ADGRL2: variants seen among roughly 807,000 people sequenced by gnomAD.
The protein encoded by ADGRL2 is calcium-independent alpha-latrotoxin receptor 2.
In ADGRL2, 44 loss-of-function variants were observed where a neutral mutation model predicts 157.4. The observed-to-expected ratio is 0.28, with a 90% CI of 0.22 to 0.36. ADGRL2 has a LOEUF of 0.36. ADGRL2 is among the 10% of genes least tolerant of loss of function. ADGRL2 has a pLI of 1.00. For synonymous variants in ADGRL2, 585 were observed against 624.7 expected, an observed-to-expected ratio of 0.94 and a Z score of 0.95; for missense variants, 1,510 against 1,768.9, an observed-to-expected ratio of 0.85 and a Z score of 2.63.
chr1:81,851,734 TTGTGTG>T (rs5775643), intron 2 of ADGRL2, among the ~76,000 whole-genome samples: 5 of 146,418 alleles, frequency 3.4e-5, no homozygotes, highest in African/African-American at 5.0e-5. Context: ...CCACTTAAAT[TTGTGTG>T]TGTGTGTGTG....
intron 2 of ADGRL2, among the ~76,000 whole-genome samples, chr1:81,773,156 T>C (rs2086444615): frequency 6.6e-6 from 1 of 152,146 alleles, no homozygotes; most frequent in African/African-American, 2.4e-5. Context: ...AGGGAGAATA[T>C]ATCAATTGAT....
In ADGRL2 at chr1:81,564,391, G is replaced by A. The variant is rs184433937; in HGVS notation, c.-247-16485G>A. ...GTTGTAGTTATCGCAAGGTTAGACC[G>A]GAGGAGGATCCACTCCCAAGCTTAT... On this transcript the variant is annotated intron_variant, in intron 2 of 24. Coordinates refer to the ADGRL2 transcript ENST00000370721. Among the ~76,000 whole-genome samples, 7 of 152,298 alleles carry A rather than the reference G, an allele frequency of 4.6e-5. No homozygotes were observed. In the South Asian group the frequency reaches 6.2e-4, roughly 14 times the overall value.
At chr1:81,736,983 C>T (rs1226671026) in intron 1 of ADGRL2, among the ~76,000 whole-genome samples, 2 of 151,942 alleles carry the variant, frequency 1.3e-5, no homozygotes, top group East Asian at 1.9e-4. Flanking sequence ...TACGGGTGCT[C>T]GCCACCATGC....
At chr1:81,497,679 T>C (rs1405447200) in intron 2 of ADGRL2, among the ~76,000 whole-genome samples, 1 of 152,198 alleles carries the variant, frequency 6.6e-6, no homozygotes, top group Non-Finnish European at 1.5e-5. Flanking sequence ...AATTTACTCA[T>C]CTGCAGAAAG....
At chr1:81,417,382 T>C (rs571796474) in intron 1 of ADGRL2, among the ~76,000 whole-genome samples, 1 of 152,304 alleles carries the variant, frequency 6.6e-6, no homozygotes, top group African/African-American at 2.4e-5. Flanking sequence ...TCCTGCAAGG[T>C]GCTTTTTCTT....
intron 1 of ADGRL2, among the ~76,000 whole-genome samples, chr1:81,315,144 G>C (rs1014916773): frequency 6.6e-6 from 1 of 152,066 alleles, no homozygotes; most frequent in Non-Finnish European, 1.5e-5. Flanking sequence ...GCATCAGAGT[G>C]TCTGCTTTAA....
intron 1 of ADGRL2, among the ~76,000 whole-genome samples, chr1:81,309,322 TTG>T: frequency 6.6e-6 from 1 of 152,266 alleles, no homozygotes; most frequent in East Asian, 1.9e-4. Flanking sequence ...TAACTTAAAT[TTG>T]TACACCACCA....
At chr1:81,437,287 CAA>C (rs35785361) in intron 1 of ADGRL2, among the ~76,000 whole-genome samples, 2 of 151,260 alleles carry the variant, frequency 1.3e-5, no homozygotes, top group Non-Finnish European at 2.9e-5. Context: ...ACTGTTTTTA[CAA>C]AAAAAAGGAA....
At chr1:81,591,962 C>T (rs375793057) in intron 3 of ADGRL2, among the ~76,000 whole-genome samples, 1 of 152,188 alleles carries the variant, frequency 6.6e-6, no homozygotes, top group African/African-American at 2.4e-5. Context: ...TAAGACATCC[C>T]TGGACTCCTG....
intron 2 of ADGRL2, among the ~76,000 whole-genome samples, chr1:81,776,569 A>G (rs1209646864): frequency 6.6e-6 from 1 of 152,214 alleles, no homozygotes; most frequent in East Asian, 1.9e-4. Flanking sequence ...ACATTGCCAT[A>G]TTCCCAGTAC....
intron 2 of ADGRL2, among the ~76,000 whole-genome samples, chr1:81,896,111 G>A (rs1305816551): frequency 1.3e-5 from 2 of 152,100 alleles, no homozygotes; most frequent in Non-Finnish European, 2.9e-5. Context: ...ACATAGAGTT[G>A]GAAATAAATT....
intron 1 of ADGRL2, among the ~76,000 whole-genome samples, chr1:81,391,268 C>T (rs886987114): frequency 3.9e-4 from 59 of 152,270 alleles, no homozygotes; most frequent in Admixed American, 1.6e-3. Flanking sequence ...GGCACTTGTG[C>T]TACAGAAGGC....
intron 1 of ADGRL2, among the ~76,000 whole-genome samples, chr1:81,829,938 T>G (rs1171688687): frequency 6.6e-6 from 1 of 152,182 alleles, no homozygotes; most frequent in Non-Finnish European, 1.5e-5. Flanking sequence ...ATCTGGATCT[T>G]GACCTCTTCA....
intron 2 of ADGRL2, among the ~76,000 whole-genome samples, chr1:81,867,628 A>G (rs1417660538): frequency 6.6e-6 from 1 of 152,222 alleles, no homozygotes; most frequent in Non-Finnish European, 1.5e-5. Context: ...ATTTTTAAAA[A>G]GAAGATTGTG....
chr1:81,598,765 A>T (rs1361436312), intron 3 of ADGRL2, among the ~76,000 whole-genome samples: 1 of 152,236 alleles, frequency 6.6e-6, no homozygotes, highest in Admixed American at 6.5e-5. Context: ...CTCACGCCTC[A>T]GTTTCACAGT....
intron 3 of ADGRL2, among the ~76,000 whole-genome samples, chr1:81,587,533 T>G (rs952325535): frequency 1.3e-5 from 2 of 152,082 alleles, no homozygotes; most frequent in Admixed American, 1.3e-4. Flanking sequence ...CTATAGCATA[T>G]GGTATACAGG....
intron 18 of ADGRL2, 123 bp downstream of exon 18, chr1:81,980,083 C>A: frequency 1.7e-6 from 1 of 603,884 alleles, no homozygotes; most frequent in Non-Finnish European, 3.0e-6. Flanking sequence ...AGTTTTACTG[C>A]CCTCAAGTTG....
chr1:81,910,555 A>G (rs925387956), intron 3 of ADGRL2, among the ~76,000 whole-genome samples: 1 of 151,614 alleles, frequency 6.6e-6, no homozygotes, highest in Non-Finnish European at 1.5e-5. Flanking sequence ...ACATATAAGT[A>G]TAATACAGAA....
At chr1:81,633,595 C>CAAAAAAAA (rs369967142) in intron 3 of ADGRL2, among the ~76,000 whole-genome samples, 2 of 50,270 alleles carry the variant, frequency 4.0e-5, no homozygotes, top group Non-Finnish European at 7.2e-5. Flanking sequence ...GACTCTGTCT[C>CAAAAAAAA]AAAAAAAAAA....
Sources: gnomAD v4.1 joint callset for allele counts (sites outside exome capture counted in the v4.1 genomes callset) on GRCh38, gnomAD v4.1.1 for gene constraint, MANE v1.5 for transcripts, NCBI Gene and HGNC (gene_info 2026-07-23, HGNC 2026-07-21) for gene names.